The following ANKFN1 variants were observed in gnomAD, a reference collection of about 807,000 sequenced individuals.
ANKFN1 encodes the protein ankyrin repeat and fibronectin type III domain containing 1.
In ANKFN1, 74 loss-of-function variants were observed where a neutral mutation model predicts 108.7. The observed-to-expected ratio is 0.68, with a 90% CI of 0.56 to 0.83. ANKFN1 has a LOEUF of 0.83. Among genes scored for constraint, ANKFN1 ranks in the 40% least tolerant of loss-of-function variants. ANKFN1 has a pLI of 0.00. For missense variants in ANKFN1, 1,505 were observed against 1,382.3 expected, an observed-to-expected ratio of 1.09 and a Z score of -1.41; for synonymous variants, 547 against 516.2, an observed-to-expected ratio of 1.06 and a Z score of -0.81.
At chr17:56,144,416 A>C (rs1567802880) in intron 4 of ANKFN1, among the ~76,000 whole-genome samples, 1 of 152,198 alleles carries the variant, frequency 6.6e-6, no homozygotes, top group Non-Finnish European at 1.5e-5. Flanking sequence ...CAGTCTACAC[A>C]GGCACTAAAG....
intron 4 of ANKFN1, among the ~76,000 whole-genome samples, chr17:56,141,414 C>T (rs1326032698): frequency 1.3e-5 from 2 of 152,138 alleles, no homozygotes; most frequent in African/African-American, 4.8e-5. Context: ...ATGTGCCTGA[C>T]ATTTGACTCT....
At chr17:56,187,258 A>C (rs767483090) in intron 1 of ANKFN1, among the ~76,000 whole-genome samples, 4 of 152,220 alleles carry the variant, frequency 2.6e-5, no homozygotes, top group Admixed American at 6.5e-5. Context: ...AAACAACCCC[A>C]TCAAAAAGTG....
At chr17:56,268,208 A>T (rs2144161695) in intron 3 of ANKFN1, among the ~76,000 whole-genome samples, 1 of 152,326 alleles carries the variant, frequency 6.6e-6, no homozygotes, top group African/African-American at 2.4e-5. Flanking sequence ...AAATTTTTAA[A>T]AAAACTAAAA....
intron 3 of ANKFN1, among the ~76,000 whole-genome samples, chr17:56,293,118 A>G (rs1028025195): frequency 3.9e-5 from 6 of 152,188 alleles, no homozygotes; most frequent in African/African-American, 1.4e-4. Context: ...TACTGGGTAT[A>G]TGAAGATATA....
At chr17:56,394,181 A>G (rs12947748) in intron 8 of ANKFN1, among the ~76,000 whole-genome samples, 94,798 of 152,030 alleles carry the variant, frequency 0.62, 31,130 homozygotes, top group East Asian at 0.96. Context: ...GCCTCACCTC[A>G]AATCATTTTC....
At chr17:56,170,774 T>TATATATATATATA (rs1555604530) in intron 1 of ANKFN1, among the ~76,000 whole-genome samples, 12 of 68,104 alleles carry the variant, frequency 1.8e-4, no homozygotes, top group Non-Finnish European at 2.2e-4. Context: ...AAAAAATTTT[T>TATATATATATATA]TATATATATA....
intron 4 of ANKFN1, among the ~76,000 whole-genome samples, chr17:56,334,276 A>G (rs1481904943): frequency 2.0e-5 from 3 of 152,010 alleles, no homozygotes; most frequent in Admixed American, 2.0e-4. Context: ...TAGTATCAGC[A>G]AGAATGTTGA....
At chr17:56,393,717 G>A (rs1190382642) in intron 8 of ANKFN1, among the ~76,000 whole-genome samples, 2 of 152,206 alleles carry the variant, frequency 1.3e-5, no homozygotes, top group African/African-American at 2.4e-5. Context: ...TCCCTGTAGG[G>A]AGCATATAGT....
intron 20 of ANKFN1, among the ~76,000 whole-genome samples, chr17:56,503,228 A>C (rs1450053309): frequency 6.6e-6 from 1 of 151,926 alleles, no homozygotes; most frequent in Non-Finnish European, 1.5e-5. Flanking sequence ...GATGCATTTG[A>C]AGGTTATCCT....
chr17:56,124,023 T>C (rs1044850606), intron 4 of ANKFN1, among the ~76,000 whole-genome samples: 1 of 152,106 alleles, frequency 6.6e-6, no homozygotes, highest in Non-Finnish European at 1.5e-5. Flanking sequence ...GAGGGGTCCA[T>C]GGTGCGCAGA....
chr17:56,273,398 T>C (rs552959129), intron 3 of ANKFN1, among the ~76,000 whole-genome samples: 1 of 152,322 alleles, frequency 6.6e-6, no homozygotes, highest in East Asian at 1.9e-4. Context: ...AATAATGTGC[T>C]GACACACAAA....
At chr17:56,064,147 T>G (rs1392616363) in intron 4 of ANKFN1, among the ~76,000 whole-genome samples, 1 of 152,186 alleles carries the variant, frequency 6.6e-6, no homozygotes, top group Non-Finnish European at 1.5e-5. Flanking sequence ...ACCAACCTGA[T>G]GCCAGTAGAA....
upstream of ANKFN1, among the ~76,000 whole-genome samples, chr17:56,149,701 A>G (rs1009502569): frequency 2.0e-5 from 3 of 152,350 alleles, no homozygotes; most frequent in East Asian, 1.9e-4. Context: ...TATGCTGGCT[A>G]AGAGCTGGGA....
At position 56,250,356 on chromosome 17, in the gene ANKFN1, G is replaced by A. The variant is rs570878454; in HGVS notation, c.53+22399G>A. ...GTTCAAATGATCCTAAAGCCACAGC[G>A]CAGCTATTGAAAAAGAAGGGCAGAG... On this transcript the variant is annotated intron_variant, in intron 3 of 20. Coordinates refer to ENST00000682825, the MANE Select transcript of ANKFN1 (RefSeq NM_001370326.1). Among the ~76,000 whole-genome samples the A allele has an allele frequency of 1.1e-4, 17 of 152,238 alleles. No individual in the cohort carries two copies. The South Asian group carries it at 3.3e-3, about 30-fold the overall frequency.
chr17:56,412,379 C>T (rs1427549426), intron 8 of ANKFN1, among the ~76,000 whole-genome samples: 1 of 152,090 alleles, frequency 6.6e-6, no homozygotes, highest in Non-Finnish European at 1.5e-5. Flanking sequence ...TGAGTGTCAA[C>T]TTGATTGGAT....
chr17:56,344,422 A>G (rs191730199), intron 4 of ANKFN1, among the ~76,000 whole-genome samples: 6 of 152,116 alleles, frequency 3.9e-5, no homozygotes, highest in Admixed American at 1.3e-4. Flanking sequence ...CACACCTTCA[A>G]TACTCAGCCA....
At chr17:56,151,276 C>G (rs1296413230), upstream of ANKFN1, among the ~76,000 whole-genome samples, 5 of 152,128 alleles carry the variant, frequency 3.3e-5, no homozygotes, top group African/African-American at 1.2e-4. Flanking sequence ...TGGAATCTTC[C>G]CCTGGTTAGT....
At chr17:56,098,713 GA>G (rs924527716) in intron 4 of ANKFN1, among the ~76,000 whole-genome samples, 2 of 152,146 alleles carry the variant, frequency 1.3e-5, no homozygotes, top group Non-Finnish European at 2.9e-5. Flanking sequence ...AAGAACCTTA[GA>G]AACTTTGAAA....
At chr17:56,451,776 C>G (rs2049498358) in intron 11 of ANKFN1, among the ~76,000 whole-genome samples, 1 of 152,198 alleles carries the variant, frequency 6.6e-6, no homozygotes, top group Non-Finnish European at 1.5e-5. Context: ...AAAGGGGCCA[C>G]TCTCCATCCT....
Sources: gnomAD v4.1 joint callset for allele counts (sites outside exome capture counted in the v4.1 genomes callset) on GRCh38, gnomAD v4.1.1 for gene constraint, MANE v1.5 for transcripts, NCBI Gene and HGNC (gene_info 2026-07-23, HGNC 2026-07-21) for gene names.